The following MOK variants were observed in gnomAD, a reference collection of about 807,000 sequenced individuals.
MOK encodes the protein MOK protein kinase.
MOK carries 59 observed loss-of-function variants against 54.2 expected under a neutral mutation model. The observed-to-expected ratio is 1.09, with a 90% CI of 0.88 to 1.35. The LOEUF (loss-of-function observed/expected upper bound fraction) is 1.35. Among genes scored for constraint, MOK ranks in the 40% most tolerant of loss-of-function variants. The pLI, the probability that MOK is intolerant of heterozygous loss-of-function variation, is 0.00. For missense variants in MOK, 517 were observed against 526.2 expected (o/e 0.98, Z 0.17); for synonymous variants, 210 against 202.7 (o/e 1.04, Z -0.31).
intron 2 of MOK, among the ~76,000 whole-genome samples, chr14:102,274,418 C>T (rs1024809231): frequency 6.6e-6 from 1 of 151,588 alleles, no homozygotes; most frequent in Non-Finnish European, 1.5e-5. Flanking sequence ...CTACACTTGG[C>T]TAATTTTTGT....
intron 6 of MOK, chr14:102,251,432 A>G (rs1176484257): frequency 1.2e-5 from 5 of 434,442 alleles, no homozygotes; most frequent in South Asian, 5.9e-5. Context: ...GTGGCTTGGG[A>G]GTGAGACGGA....
chr14:102,263,707 T>A, intron 3 of MOK, 91 bp from the exon 4 acceptor site: 1 of 843,358 alleles, frequency 1.2e-6, no homozygotes, highest in Non-Finnish European at 1.8e-6. Flanking sequence ...ACATTTCTAG[T>A]AAACATTAGG....
At chr14:102,285,428 C>G (rs757584744) in intron 1 of MOK, among the ~76,000 whole-genome samples, 2 of 152,198 alleles carry the variant, frequency 1.3e-5, no homozygotes, top group African/African-American at 4.8e-5. Context: ...GTATTCCTTT[C>G]CACATGCACA....
chr14:102,218,592 T>A, the MOK span, among the ~76,000 whole-genome samples: 1 of 152,268 alleles, frequency 6.6e-6, no homozygotes. Context: ...GGTGTAATTC[T>A]CTTAACTTAG....
chr14:102,232,355 G>T lies in MOK; in HGVS notation c.866+180C>A. ...CTGCTAACATCCTCATTTTGGGGAG[G>T]ATACACCAGAAGGCAGCACGGTGTG... is the stretch of plus-strand genomic sequence containing the variant. On this transcript the variant is annotated intron_variant, in intron 9 of 11. Transcript: ENST00000361847. This position sits in a 1 kb window ranked among gnomAD's most constrained non-coding sequence, Gnocchi z 5.1. The T allele has an allele frequency of 1.7e-6, 1 of 590,314 alleles. No homozygotes were observed. Among genetic ancestry groups the T allele is most frequent in the East Asian group, 3.0e-5 (1 of 33,544 alleles). 36.6% of individuals were successfully genotyped at this position (590,314 alleles called of 1,614,324 possible).
At chr14:102,290,370 G>A (rs1302859289) in intron 1 of MOK, among the ~76,000 whole-genome samples, 1 of 151,842 alleles carries the variant, frequency 6.6e-6, no homozygotes, top group Non-Finnish European at 1.5e-5. Flanking sequence ...AACCCAAGAG[G>A]AGGAGGTTGC....
intron 2 of MOK, among the ~76,000 whole-genome samples, chr14:102,266,688 T>A (rs896651028): frequency 6.6e-6 from 1 of 152,164 alleles, no homozygotes; most frequent in Non-Finnish European, 1.5e-5. Flanking sequence ...GTTCAAGCGA[T>A]TCTCCTGCCT....
intron 2 of MOK, chr14:102,280,531 A>T (rs2153166200): frequency 6.6e-6 from 1 of 152,300 alleles, no homozygotes; most frequent in South Asian, 2.1e-4. Context: ...GATGTGTTCT[A>T]ATCAACTGCT....
chr14:102,229,573 C>T lies in MOK; in HGVS notation c.1066G>A (p.Gly356Arg). Residue 356 changes from glycine (G) to arginine (R), a missense_variant, in exon 11 of 12, where the codon GGA becomes AGA. Coordinates refer to ENST00000361847, the MANE Select transcript of MOK (RefSeq NM_014226.3). ...VMELPKLKLS[G>R]VVRLSSYSSP... ...GAGTAAGACGACAGTCTGACCACTCCCGAAAGCTTTAGTTTGGGCAGTTCC... is the reference window on the plus strand; with the variant it reads ...GAGTAAGACGACAGTCTGACCACTCTCGAAAGCTTTAGTTTGGGCAGTTCC... 1 of 1,614,184 alleles carries T rather than the reference C, an allele frequency of 6.2e-7. No homozygotes were observed. Among genetic ancestry groups the T allele is most frequent in the Non-Finnish European group, 8.5e-7 (1 of 1,180,032 alleles).
At chr14:102,239,091 C>T (rs988041736) in intron 7 of MOK, among the ~76,000 whole-genome samples, 1 of 152,206 alleles carries the variant, frequency 6.6e-6, no homozygotes, top group Admixed American at 6.5e-5. Flanking sequence ...TTTGGTCTCC[C>T]TCGCTCCAAT....
intron 4 of MOK, among the ~76,000 whole-genome samples, chr14:102,262,004 C>T (rs1027776736): frequency 2.6e-5 from 4 of 151,592 alleles, no homozygotes; most frequent in Admixed American, 1.3e-4. Context: ...CCACGCCCGG[C>T]TAATTTTTTT....
intron 2 of MOK, among the ~76,000 whole-genome samples, chr14:102,266,633 A>G (rs1033511377): frequency 6.6e-6 from 1 of 151,958 alleles, no homozygotes; most frequent in African/African-American, 2.4e-5. Flanking sequence ...CCCAGGCTGG[A>G]GTGCAATGGT....
At position 102,300,889 on chromosome 14, in the gene MOK, G is replaced by A. The variant is rs976455244; in HGVS notation, c.7+4073C>T. Among the ~76,000 whole-genome samples the A allele has an allele frequency of 7.2e-5, 11 of 152,230 alleles. No homozygotes were observed. The South Asian group carries it at 2.1e-3, about 29-fold the overall frequency. The stretch of plus-strand genomic sequence containing the variant: ...AGGCAGGTGGATCACCTGAGGTCAG[G>A]AGTTCTTGACCAGCCTGAACAACAT... On this transcript the variant is annotated intron_variant, in intron 1 of 11. Transcript: ENST00000361847.
At chr14:102,241,707 A>G (rs555921186) in intron 7 of MOK, among the ~76,000 whole-genome samples, 1 of 152,310 alleles carries the variant, frequency 6.6e-6, no homozygotes, top group Non-Finnish European at 1.5e-5. Flanking sequence ...CCACAACAGG[A>G]CTTAATTAAC....
intron 3 of MOK, among the ~76,000 whole-genome samples, chr14:102,265,609 T>G (rs550482027): frequency 1.3e-5 from 2 of 151,926 alleles, no homozygotes; most frequent in African/African-American, 2.4e-5. Flanking sequence ...CCAGCCTGCA[T>G]GACAGAGAGA....
At position 102,245,777 on chromosome 14, in the gene MOK, C is replaced by T. The variant is rs1161823181; in HGVS notation, c.590+5035G>A. 6.6e-6 allele frequency among the ~76,000 whole-genome samples: 1 copy of T among 152,122 alleles called. No individual in the cohort carries two copies. Among genetic ancestry groups the T allele is most frequent in the Non-Finnish European group, 1.5e-5 (1 of 68,038 alleles). ...ACATGGACGTGTGTGACACTTACAA[C>T]CCCTACTGCAGCCAAACTCTCAGGA... is the stretch of plus-strand genomic sequence containing the variant. On this transcript the variant is annotated intron_variant, in intron 7 of 11. Coordinates refer to ENST00000361847, the MANE Select transcript of MOK (RefSeq NM_014226.3). This position sits in a 1 kb window ranked among gnomAD's most constrained non-coding sequence, Gnocchi z 4.3.
chr14:102,244,654 C>T (rs192243699), intron 7 of MOK, among the ~76,000 whole-genome samples: 10 of 151,980 alleles, frequency 6.6e-5, no homozygotes, highest in Admixed American at 1.3e-4. Context: ...AAATACGTCT[C>T]GGTCTAGATA....
chr14:102,268,776 A>G (rs984162700), intron 2 of MOK, among the ~76,000 whole-genome samples: 35 of 152,128 alleles, frequency 2.3e-4, no homozygotes, highest in African/African-American at 7.9e-4. Flanking sequence ...ATTAGCCGGG[A>G]TGGTGGCGGG....
At chr14:102,301,551 A>G (rs1272129215) in intron 1 of MOK, among the ~76,000 whole-genome samples, 2 of 152,122 alleles carry the variant, frequency 1.3e-5, no homozygotes, top group African/African-American at 4.8e-5. Flanking sequence ...TCTGACCCCA[A>G]GCTATGGATC....
Sources: gnomAD v4.1 joint callset for allele counts (sites outside exome capture counted in the v4.1 genomes callset) on GRCh38, gnomAD v4.1.1 for gene constraint, Gnocchi (gnomAD v3.1) non-coding constraint, MANE v1.5 for transcripts, NCBI Gene and HGNC (gene_info 2026-07-23, HGNC 2026-07-21) for gene names.